Variants in PCDHA13 observed in about 807,000 individuals in gnomAD.
The protein encoded by PCDHA13 is protocadherin alpha-13.
In PCDHA13, 54 loss-of-function variants were observed where a neutral mutation model predicts 64.8. The ratio of observed to expected loss-of-function variants is 0.83; its 90% CI spans 0.67 to 1.04. The LOEUF (loss-of-function observed/expected upper bound fraction) is 1.04, where lower values mean the gene tolerates loss of function less well. PCDHA13 is among the 50% of genes least tolerant of loss of function. The pLI, the probability that PCDHA13 is intolerant of heterozygous loss-of-function variation, is 0.00. For missense variants in PCDHA13, 1,248 were observed against 1,254.3 expected, an observed-to-expected ratio of 0.99 and a Z score of 0.08; for synonymous variants, 587 against 564.4, an observed-to-expected ratio of 1.04 and a Z score of -0.57.
intron 1 of PCDHA13, among the ~76,000 whole-genome samples, chr5:140,940,904 GT>G (rs1437754574): frequency 6.6e-6 from 1 of 152,188 alleles, no homozygotes; most frequent in Non-Finnish European, 1.5e-5. Context: ...TTTAAATCAA[GT>G]TCAAGACTTG....
At chr5:140,966,248 G>C (rs2095985597) in intron 1 of PCDHA13, 2 of 322,664 alleles carry the variant, frequency 6.2e-6, no homozygotes, top group Non-Finnish European at 5.6e-6. Context: ...AAGCAGGGGA[G>C]AGACGGTGGA....
rs10076265 is a variant in PCDHA13, at chr5:140,884,506, G to T, written c.2238G>T (p.Gly746=). The T allele has an allele frequency of 1.2e-6, 2 of 1,614,054 alleles. No homozygotes were observed. Among genetic ancestry groups the T allele is most frequent in the Admixed American group, 3.3e-5 (2 of 60,014 alleles). ...KPTLVCSSAA[G]SWSYSQQRRP... is the part of the protein sequence containing the mutation. ...CTCTAGTGTGCTCCAGCGCGGCAGG[G>T]AGTTGGTCGTACTCGCAGCAGAGGC... is the stretch of plus-strand genomic sequence containing the variant. The change falls in exon 1 of 4, where the codon GGG becomes GGT. Residue 746 remains glycine (G), a synonymous_variant. Coordinates refer to ENST00000289272, the MANE Select transcript of PCDHA13 (RefSeq NM_018904.3).
intron 1 of PCDHA13, among the ~76,000 whole-genome samples, chr5:140,978,727 G>A (rs1382730289): frequency 1.3e-5 from 2 of 152,198 alleles, no homozygotes; most frequent in South Asian, 2.1e-4. Flanking sequence ...TATTAAATCT[G>A]GTCTTCCAGG....
chr5:140,968,500 C>T, intron 1 of PCDHA13: 2 of 1,614,222 alleles, frequency 1.2e-6, no homozygotes, highest in Middle Eastern at 1.6e-4. Context: ...ATGCCCCTCA[C>T]ATTCTGTACC....
chr5:140,989,240 C>T (rs1180879985), intron 3 of PCDHA13, among the ~76,000 whole-genome samples: 1 of 152,152 alleles, frequency 6.6e-6, no homozygotes, highest in Non-Finnish European at 1.5e-5. Flanking sequence ...AAGTTTTAAG[C>T]CCCTTGTCAA....
At chr5:140,906,502 CAAAG>C (rs1295778527) in intron 1 of PCDHA13, among the ~76,000 whole-genome samples, 1 of 152,180 alleles carries the variant, frequency 6.6e-6, no homozygotes, top group African/African-American at 2.4e-5. Context: ...ATGTTTTTAA[CAAAG>C]AAGGAGGAAA....
At chr5:140,994,998 G>A (rs2097659261) in intron 3 of PCDHA13, among the ~76,000 whole-genome samples, 1 of 152,150 alleles carries the variant, frequency 6.6e-6, no homozygotes, top group African/African-American at 2.4e-5. Context: ...AGGTTAGTTG[G>A]TTTGTTTATA....
Position 140,883,205 on chromosome 5 carries a change from A to G in PCDHA13, c.937A>G (p.Lys313Glu), listed in dbSNP as rs1402031440. 5 of 1,613,918 alleles carry G rather than the reference A, an allele frequency of 3.1e-6. No individual in the cohort carries two copies. In the African/African-American group the frequency reaches 6.7e-5, roughly 22 times the overall value. Residue 313 changes from lysine (K) to glutamate (E), a missense_variant, in exon 1 of 4, where the codon AAG becomes GAG. Lys to Glu is a moderately conservative substitution (Grantham distance 56). Transcript: ENST00000289272. ...RTKGKLDFEE[K>E]KLYEISVEAV... Reference sequence around the variant, plus strand: ...AAAAGGCAAACTAGATTTCGAAGAAAAGAAATTATATGAAATATCCGTGGA... The same window carrying G: ...AAAAGGCAAACTAGATTTCGAAGAAGAGAAATTATATGAAATATCCGTGGA...
At chr5:140,983,542 C>A (rs1554245538) in intron 3 of PCDHA13, among the ~76,000 whole-genome samples, 1 of 152,152 alleles carries the variant, frequency 6.6e-6, no homozygotes, top group African/African-American at 2.4e-5. Flanking sequence ...TGTGTGGTCT[C>A]ATTTATTCCT....
At chr5:140,965,030 C>A (rs2095870201) in intron 1 of PCDHA13, among the ~76,000 whole-genome samples, 1 of 152,166 alleles carries the variant, frequency 6.6e-6, no homozygotes, top group East Asian at 1.9e-4. Flanking sequence ...GCTCCTTTAA[C>A]TGTCCGCTCT....
intron 1 of PCDHA13, among the ~76,000 whole-genome samples, chr5:140,903,429 G>A (rs782504374): frequency 1.3e-5 from 2 of 152,180 alleles, no homozygotes; most frequent in Non-Finnish European, 2.9e-5. Context: ...AGCACAATAT[G>A]TATCAGTGGA....
chr5:140,967,997 C>T (rs551685820), intron 1 of PCDHA13: 1 of 1,614,102 alleles, frequency 6.2e-7, no homozygotes, highest in Non-Finnish European at 8.5e-7. Flanking sequence ...ACTGCCTTTC[C>T]GACTGAATGG....
At chr5:140,927,616 G>C in intron 1 of PCDHA13, 1 of 1,614,164 alleles carries the variant, frequency 6.2e-7, no homozygotes, top group Non-Finnish European at 8.5e-7. Flanking sequence ...CCGCACCAAG[G>C]TTCCAGAGAC....
intron 3 of PCDHA13, among the ~76,000 whole-genome samples, chr5:141,008,665 T>A (rs2098385671): frequency 6.6e-6 from 1 of 152,210 alleles, no homozygotes; most frequent in Non-Finnish European, 1.5e-5. Context: ...CACAATACTT[T>A]ACATATACTT....
chr5:140,942,601 G>T (rs562403777), intron 1 of PCDHA13, among the ~76,000 whole-genome samples: 1 of 130,586 alleles, frequency 7.7e-6, no homozygotes, highest in South Asian at 2.4e-4. Flanking sequence ...TAATTATAGT[G>T]TTTATATTTG....
chr5:140,953,476 G>A (rs1554220931), intron 1 of PCDHA13, among the ~76,000 whole-genome samples: 2 of 152,088 alleles, frequency 1.3e-5, no homozygotes. Flanking sequence ...ACTTCCTCAT[G>A]CTGTGTCACA....
intron 1 of PCDHA13, chr5:140,967,716 T>C: frequency 1.2e-6 from 2 of 1,613,914 alleles, no homozygotes; most frequent in Non-Finnish European, 1.7e-6. Context: ...ACCGGGGAAG[T>C]GCGAGTAATT....
chr5:140,972,479 C>T (rs782631191), intron 1 of PCDHA13, among the ~76,000 whole-genome samples: 1 of 151,994 alleles, frequency 6.6e-6, no homozygotes, highest in Non-Finnish European at 1.5e-5. Flanking sequence ...CAGCATTTAA[C>T]CCCAGACTCT....
chr5:140,941,820 C>T (rs2093176252), intron 1 of PCDHA13, among the ~76,000 whole-genome samples: 1 of 152,160 alleles, frequency 6.6e-6, no homozygotes, highest in Non-Finnish European at 1.5e-5. Flanking sequence ...AGGATGACTG[C>T]TGTAAATAAT....
Sources: allele counts gnomAD v4.1 joint callset (sites outside exome capture counted in the v4.1 genomes callset), GRCh38; gene constraint gnomAD v4.1.1; transcripts MANE v1.5; gene names NCBI Gene and HGNC (gene_info 2026-07-23, HGNC 2026-07-21).